CNNM2: variants seen among roughly 807,000 people sequenced by gnomAD.
The protein encoded by CNNM2 is cyclin and CBS domain divalent metal cation transport mediator 2.
In CNNM2, 12 loss-of-function variants were observed where a neutral mutation model predicts 66.9. That is an observed-to-expected ratio of 0.18 (90% CI 0.11 to 0.29). The LOEUF is 0.29. Ranked by LOEUF, CNNM2 falls within the 10% of genes least tolerant of loss-of-function variation. The probability of loss-of-function intolerance (pLI) is 1.00; values close to 1 mark genes in which losing one functional copy is unlikely to be tolerated. For missense variants in CNNM2, 705 were observed against 1,167.7 expected (o/e 0.60, Z 5.77); for synonymous variants, 557 against 501.8 (o/e 1.11, Z -1.47).
intron 2 of CNNM2, among the ~76,000 whole-genome samples, chr10:103,051,735 C>T (rs895894875): frequency 6.6e-6 from 1 of 151,780 alleles, no homozygotes; most frequent in African/African-American, 2.4e-5. Context: ...GTGAGACTCT[C>T]TCAAAATAAA....
chr10:102,974,399 A>G (rs2063592406), intron 1 of CNNM2, among the ~76,000 whole-genome samples: 1 of 152,228 alleles, frequency 6.6e-6, no homozygotes, highest in African/African-American at 2.4e-5. Context: ...AGCTAGTTGC[A>G]TAAGTAAGCA....
In CNNM2 at chr10:103,087,933, A is replaced by G. The variant is rs1305305740; in HGVS notation, c.*10753A>G. 1 of 152,254 alleles carries G rather than the reference A, an allele frequency of 6.6e-6. No individual in the cohort carries two copies. Among genetic ancestry groups the G allele is most frequent in the African/African-American group, 2.4e-5 (1 of 41,468 alleles). The allele number at this position is 152,254 out of a possible 1,614,324, so 9.4% of individuals were successfully genotyped here. A position where few individuals can be genotyped will look rare whatever the true frequency, so the allele number is the denominator to read the frequency against. On this transcript the variant is annotated 3_prime_UTR_variant, in exon 8 of 8. Transcript: ENST00000369878. ...ATCAGGCTGTGTTCTCTGCTTATAA[A>G]ATAATTTTTTAAAAAGCCTCACTTC...
At chr10:102,937,359 G>A (rs193241904) in intron 1 of CNNM2, among the ~76,000 whole-genome samples, 10 of 147,546 alleles carry the variant, frequency 6.8e-5, no homozygotes, top group Admixed American at 6.1e-4. Flanking sequence ...GCAAAATAGC[G>A]AGACCCCATC....
At chr10:103,047,493 C>G (rs2065145826) in intron 1 of CNNM2, among the ~76,000 whole-genome samples, 1 of 152,164 alleles carries the variant, frequency 6.6e-6, no homozygotes, top group South Asian at 2.1e-4. Context: ...CAAATAAAGT[C>G]TGGAGTTTAC....
chr10:102,926,873 G>A (rs1291698533), intron 1 of CNNM2, among the ~76,000 whole-genome samples: 2 of 151,894 alleles, frequency 1.3e-5, no homozygotes, highest in African/African-American at 2.4e-5. Flanking sequence ...CCGCTGCCAT[G>A]CCCGGCTAAT....
intron 1 of CNNM2, among the ~76,000 whole-genome samples, chr10:103,037,285 T>G (rs2064959017): frequency 1.3e-5 from 2 of 148,640 alleles, no homozygotes; most frequent in Non-Finnish European, 3.0e-5. Flanking sequence ...TATTTTATTT[T>G]TATATATAAT....
At chr10:102,961,956 AAAAC>A (rs1445563253) in intron 1 of CNNM2, among the ~76,000 whole-genome samples, 1 of 149,836 alleles carries the variant, frequency 6.7e-6, no homozygotes, top group Non-Finnish European at 1.5e-5. Context: ...ATACTTATAA[AAAAC>A]AAACTTATGA....
At chr10:102,922,936 T>G in intron 1 of CNNM2, among the ~76,000 whole-genome samples, 1 of 103,594 alleles carries the variant, frequency 9.7e-6, no homozygotes. Flanking sequence ...AGACCCTGTC[T>G]CAAAAAAAAA....
At chr10:102,990,906 CT>C (rs1413844824) in intron 1 of CNNM2, among the ~76,000 whole-genome samples, 1 of 152,182 alleles carries the variant, frequency 6.6e-6, no homozygotes, top group African/African-American at 2.4e-5. Flanking sequence ...ACATGGAGAA[CT>C]TTCACTGTAA....
chr10:102,994,038 G>A (rs1198474754), intron 1 of CNNM2, among the ~76,000 whole-genome samples: 14 of 152,162 alleles, frequency 9.2e-5, no homozygotes, highest in African/African-American at 3.4e-4. Context: ...CCGGGTTCAA[G>A]TGATTTTCCT....
chr10:103,015,666 G>A lies in CNNM2; in HGVS notation c.1622-34041G>A, dbSNP rs544048518. On this transcript the variant is annotated intron_variant, in intron 1 of 7. Transcript: ENST00000369878. ...ATCGGGAGTTCGAGACCAGCCTGGCGAATGTGGTGAAACCCCATCTCTACT... is the reference window on the plus strand; with the variant it reads ...ATCGGGAGTTCGAGACCAGCCTGGCAAATGTGGTGAAACCCCATCTCTACT... Among the ~76,000 whole-genome samples the A allele has an allele frequency of 3.3e-5, 5 of 152,070 alleles. No individual in the cohort carries two copies. In the South Asian group the frequency reaches 6.2e-4, roughly 19 times the overall value.
chr10:102,986,472 A>G (rs1313270045), intron 1 of CNNM2, among the ~76,000 whole-genome samples: 1 of 152,176 alleles, frequency 6.6e-6, no homozygotes, highest in Non-Finnish European at 1.5e-5. Flanking sequence ...AGAATTTCCA[A>G]AAAGTAGAGC....
At chr10:103,062,573 A>G (rs990428726) in intron 4 of CNNM2, among the ~76,000 whole-genome samples, 6 of 152,256 alleles carry the variant, frequency 3.9e-5, no homozygotes, top group African/African-American at 1.4e-4. Context: ...ATATATAACT[A>G]TAAACCAAAA....
At chr10:102,981,183 CA>C (rs201001136) in intron 1 of CNNM2, among the ~76,000 whole-genome samples, 16 of 151,300 alleles carry the variant, frequency 1.1e-4, no homozygotes, top group Admixed American at 6.6e-4. Context: ...CCTATCTCTA[CA>C]AAAAAAAATT....
At chr10:102,958,961 T>G (rs1429607175) in intron 1 of CNNM2, among the ~76,000 whole-genome samples, 1 of 152,032 alleles carries the variant, frequency 6.6e-6, no homozygotes, top group Non-Finnish European at 1.5e-5. Flanking sequence ...TTATTCTTAT[T>G]TTTTGAGACA....
chr10:103,071,955 G>A, intron 6 of CNNM2, 116 bp downstream of exon 6: 4 of 907,460 alleles, frequency 4.4e-6, no homozygotes, highest in Non-Finnish European at 7.4e-6. Flanking sequence ...AGTGTTCCTT[G>A]GAGCGCTAAA....
At chr10:103,071,733 C>T (rs929665810) in intron 5 of CNNM2, 41 bp from the exon 6 acceptor site, 1 of 1,508,174 alleles carries the variant, frequency 6.6e-7, no homozygotes, top group South Asian at 1.1e-5. Flanking sequence ...TCTGTTCTTG[C>T]CTTTTGATGC....
At chr10:102,944,158 A>G (rs1019285942) in intron 1 of CNNM2, among the ~76,000 whole-genome samples, 2 of 145,450 alleles carry the variant, frequency 1.4e-5, no homozygotes, top group Admixed American at 1.4e-4. Context: ...GGCTCACTGC[A>G]GTCTCCGCCT....
chr10:102,919,113 C>T lies in CNNM2; in HGVS notation c.633C>T (p.Ala211=). ...GCGGCTCGGGGTCCACGGGTGGCGC[C>T]GTCGGGGGCAAGGGTGGCTCGGGGG... ...GAGGSGSTGG[A]VGGKGGSGVA... is the part of the protein sequence containing the mutation. Residue 211 remains alanine (A), a synonymous_variant, in exon 1 of 8, where the codon GCC becomes GCT. Transcript: ENST00000369878. 6.2e-7 allele frequency: 1 copy of T among 1,610,666 alleles called. No individual in the cohort carries two copies. The highest frequency in any genetic ancestry group is 8.5e-7 in the Non-Finnish European group (1 of 1,179,006).
Sources: allele counts gnomAD v4.1 joint callset (sites outside exome capture counted in the v4.1 genomes callset), GRCh38; gene constraint gnomAD v4.1.1; transcripts MANE v1.5; gene names NCBI Gene and HGNC (gene_info 2026-07-23, HGNC 2026-07-21).